Variants in CCDC33 observed in about 807,000 individuals in gnomAD.
CCDC33 encodes the protein coiled-coil domain containing 33.
In CCDC33, 94 loss-of-function variants were observed where a neutral mutation model predicts 91.9. That is an observed-to-expected ratio of 1.02 (90% CI 0.87 to 1.21). The LOEUF is 1.21. Among genes scored for constraint, CCDC33 ranks in the 50% most tolerant of loss-of-function variants. CCDC33 has a pLI of 0.00. For missense variants in CCDC33, 940 were observed against 935.5 expected, an observed-to-expected ratio of 1.00 and a Z score of -0.06; for synonymous variants, 396 against 374.5, an observed-to-expected ratio of 1.06 and a Z score of -0.66.
chr15:74,297,907 C>A (rs1021296679), intron 11 of CCDC33, among the ~76,000 whole-genome samples: 1 of 152,200 alleles, frequency 6.6e-6, no homozygotes, highest in Non-Finnish European at 1.5e-5. Context: ...CCTCCACCTT[C>A]CCCCAAGGAT....
chr15:74,246,773 G>A (rs2627305), intron 2 of CCDC33, among the ~76,000 whole-genome samples: 62,845 of 152,058 alleles, frequency 0.41, 15,999 homozygotes, highest in African/African-American at 0.71. Context: ...GGTTCCTCAA[G>A]AAATTGAAAA....
chr15:74,248,609 G>T (rs775667152), intron 2 of CCDC33, among the ~76,000 whole-genome samples: 5 of 152,164 alleles, frequency 3.3e-5, no homozygotes, highest in Non-Finnish European at 7.3e-5. Context: ...AGAACTGTTC[G>T]TTCATTCATC....
At chr15:74,249,796 G>C (rs1315453320) in intron 2 of CCDC33, among the ~76,000 whole-genome samples, 1 of 152,074 alleles carries the variant, frequency 6.6e-6, no homozygotes, top group Non-Finnish European at 1.5e-5. Flanking sequence ...GCTGTTCCCT[G>C]GGTCTCTGAG....
intron 10 of CCDC33, among the ~76,000 whole-genome samples, chr15:74,294,009 G>A (rs533866789): frequency 9.2e-5 from 14 of 152,218 alleles, no homozygotes; most frequent in Non-Finnish European, 1.3e-4. Context: ...AATTTCAGTG[G>A]TAAAGTGAAG....
At chr15:74,256,981 T>C (rs1199461949) in intron 2 of CCDC33, among the ~76,000 whole-genome samples, 1 of 152,160 alleles carries the variant, frequency 6.6e-6, no homozygotes, top group Non-Finnish European at 1.5e-5. Flanking sequence ...TTCTCAGAGT[T>C]TCTCGGAAGG....
intron 2 of CCDC33, among the ~76,000 whole-genome samples, chr15:74,255,556 C>T (rs534136395): frequency 2.6e-5 from 4 of 152,374 alleles, no homozygotes; most frequent in East Asian, 1.9e-4. Context: ...GACTTCCCAG[C>T]GGTGTGCTCC....
intron 2 of CCDC33, among the ~76,000 whole-genome samples, chr15:74,223,773 T>TGCAC (rs759727306): frequency 2.9e-5 from 1 of 35,022 alleles, no homozygotes; most frequent in Admixed American, 4.3e-4. Flanking sequence ...CACGCAAGCA[T>TGCAC]GCACACACAC....
intron 13 of CCDC33, 29 bp downstream of exon 13, chr15:74,330,780 G>T: frequency 6.3e-7 from 1 of 1,592,604 alleles, no homozygotes. Context: ...GGGCAGAGGG[G>T]AGGGAGCTAT....
intron 11 of CCDC33, chr15:74,300,474 G>C (rs1414420524): frequency 6.6e-6 from 1 of 152,250 alleles, no homozygotes; most frequent in East Asian, 1.9e-4. Context: ...TGGAGCAGCA[G>C]GCGCCAGCGA....
At chr15:74,334,852 A>G in intron 17 of CCDC33, 123 bp from the exon 18 acceptor site, 1 of 838,682 alleles carries the variant, frequency 1.2e-6, no homozygotes, top group Non-Finnish European at 2.0e-6. Flanking sequence ...GAAGGTGTCA[A>G]GCCCACATGG....
intron 2 of CCDC33, among the ~76,000 whole-genome samples, chr15:74,210,673 G>A (rs2074353414): frequency 6.6e-6 from 1 of 152,170 alleles, no homozygotes; most frequent in Non-Finnish European, 1.5e-5. Flanking sequence ...CTGTGAGTAA[G>A]GAGCTGTGAA....
intron 11 of CCDC33, among the ~76,000 whole-genome samples, chr15:74,308,354 GACAGACACACACACAC>G (rs1370074857): frequency 7.0e-6 from 1 of 141,942 alleles, no homozygotes; most frequent in Non-Finnish European, 1.5e-5. Flanking sequence ...TGTGCAGACA[GACAGACACACACACAC>G]ACACACACAC....
rs1010345628 is a variant in CCDC33, at chr15:74,272,657, G to T, written c.639-114G>T. 116 of 1,410,110 alleles carry T rather than the reference G, an allele frequency of 8.2e-5. 1 individual carries two copies. Among genetic ancestry groups the T allele is most frequent in the South Asian group, 1.5e-4 (11 of 71,350 alleles). The allele number at this position is 1,410,110 out of a possible 1,614,324, so 87.3% of individuals were successfully genotyped here. On this transcript the variant is annotated intron_variant, in intron 6 of 18. Transcript: ENST00000398814. ...GTGAGGTCCAGGCCCGAACTCGGCG[G>T]GATCCCTGCAACTCCCTTCTCTTGC...
At chr15:74,231,422 C>T (rs2074968354), upstream of CCDC33, among the ~76,000 whole-genome samples, 1 of 152,254 alleles carries the variant, frequency 6.6e-6, no homozygotes, top group African/African-American at 2.4e-5. Flanking sequence ...CCACCTCAAT[C>T]TCCTTTGACA....
chr15:74,265,385 C>G (rs747403474), intron 3 of CCDC33, among the ~76,000 whole-genome samples: 9 of 152,162 alleles, frequency 5.9e-5, no homozygotes, highest in Non-Finnish European at 7.3e-5. Context: ...TTCTCCATCC[C>G]TCCTCTATCC....
chr15:74,330,540 C>T, intron 12 of CCDC33, 123 bp from the exon 13 acceptor site: 1 of 1,070,492 alleles, frequency 9.3e-7, no homozygotes, highest in Non-Finnish European at 1.4e-6. Context: ...GGATGGGAAA[C>T]AGAGAATCCA....
At chr15:74,273,117 A>G (rs1198076049) in intron 7 of CCDC33, among the ~76,000 whole-genome samples, 2 of 152,272 alleles carry the variant, frequency 1.3e-5, no homozygotes, top group Non-Finnish European at 2.9e-5. Flanking sequence ...TTGAACATCA[A>G]CACAAGATAA....
rs2074511889 is a variant in CCDC33 at position 74,218,727 on chromosome 15, T to C, written c.541T>C (p.Cys181Arg). 3.9e-6 allele frequency: 5 copies of C among 1,289,804 alleles called. No homozygotes were observed. Among genetic ancestry groups the C allele is most frequent in the Non-Finnish European group, 5.1e-6 (5 of 988,874 alleles). The allele number at this position is 1,289,804 out of a possible 1,614,324, so 79.9% of individuals were successfully genotyped here. ...TAGCACGGACCCCACAGCCCGACAC[T>C]GTGGGAGCCTGGCCTACAGTGTGGC... The change falls in exon 2 of 3, where the codon TGT becomes CGT. Residue 181 changes from cysteine to arginine, a missense_variant. Cys to Arg is a radical substitution (Grantham distance 180). Transcript: ENST00000635913. The surrounding 1 kb of genome is among the most constrained non-coding windows in gnomAD (Gnocchi z 4.8).
At position 74,228,413 on chromosome 15, in the gene CCDC33, C is replaced by T. The variant is rs535429600; in HGVS notation, c.675+9552C>T. 1.1e-4 allele frequency among the ~76,000 whole-genome samples: 17 copies of T among 152,350 alleles called. No homozygotes were observed. The South Asian group carries it at 1.2e-3, about 11-fold the overall frequency. On this transcript the variant is annotated intron_variant, in intron 2 of 2. Transcript: ENST00000635913. ...AAATTTAAAGACTATAGCCAATGCT[C>T]ACAAAACGCTGGCCATTCTCGTGAC...
Sources: gnomAD v4.1 joint callset for allele counts (sites outside exome capture counted in the v4.1 genomes callset) on GRCh38, gnomAD v4.1.1 for gene constraint, Gnocchi (gnomAD v3.1) non-coding constraint, MANE v1.5 for transcripts, NCBI Gene and HGNC (gene_info 2026-07-23, HGNC 2026-07-21) for gene names.